Variants in PCDH9 observed in about 807,000 individuals in gnomAD.
PCDH9 encodes the protein protocadherin 9.
Under a neutral mutation model 70.6 loss-of-function variants are expected in PCDH9, and 24 were observed. The ratio of observed to expected loss-of-function variants is 0.34; its 90% CI spans 0.25 to 0.48. The LOEUF (loss-of-function observed/expected upper bound fraction) is 0.48, where lower values mean the gene tolerates loss of function less well. Among genes scored for constraint, PCDH9 ranks in the 20% least tolerant of loss-of-function variants. The pLI is 0.99. For missense variants in PCDH9, 1,281 were observed against 1,503.6 expected, an observed-to-expected ratio of 0.85 and a Z score of 2.45; for synonymous variants, 562 against 558.5, an observed-to-expected ratio of 1.01 and a Z score of -0.09.
chr13:66,724,814 G>T (rs1593956801), intron 3 of PCDH9, among the ~76,000 whole-genome samples: 1 of 152,092 alleles, frequency 6.6e-6, no homozygotes, highest in East Asian at 1.9e-4. Context: ...CCCAAAATTT[G>T]CCCACACTTC....
At chr13:66,317,846 T>A (rs1041167219) in intron 4 of PCDH9, among the ~76,000 whole-genome samples, 2 of 152,154 alleles carry the variant, frequency 1.3e-5, no homozygotes, top group Non-Finnish European at 2.9e-5. Context: ...TTTCACAAAG[T>A]TTAGGGGGAA....
chr13:66,504,753 C>G (rs1959195150), intron 4 of PCDH9, among the ~76,000 whole-genome samples: 1 of 152,154 alleles, frequency 6.6e-6, no homozygotes, highest in South Asian at 2.1e-4. Flanking sequence ...TTGATGAATG[C>G]TACCTGCTGA....
rs561704417 is a variant in PCDH9 at position 67,022,156 on chromosome 13, G to A, written c.3037-118551C>T. 7.3e-5 allele frequency among the ~76,000 whole-genome samples: 5 copies of A among 68,184 alleles called. No individual in the cohort carries two copies. The South Asian group carries it at 2.4e-3, about 33-fold the overall frequency. The allele number at this position is 68,184 out of a possible 152,430, so 44.7% of individuals were successfully genotyped here. A position where few individuals can be genotyped will look rare whatever the true frequency, so the allele number is the denominator to read the frequency against. ...TTTTTTTTTTTTTTTTTGAGACAGA[G>A]TTTTGCTCTTGTTGCCCAGGCTGGA... On this transcript the variant is annotated intron_variant, in intron 2 of 4. Coordinates refer to ENST00000377865, the MANE Select transcript of PCDH9 (RefSeq NM_203487.3).
intron 2 of PCDH9, among the ~76,000 whole-genome samples, chr13:67,057,152 TA>T (rs2085437457): frequency 6.6e-6 from 1 of 152,138 alleles, no homozygotes; most frequent in African/African-American, 2.4e-5. Context: ...AAGTGTCTCC[TA>T]GGGGTTAGGA....
chr13:66,631,052 A>T (rs968529114), intron 4 of PCDH9, among the ~76,000 whole-genome samples, 158 bp downstream of exon 4: 2 of 152,194 alleles, frequency 1.3e-5, no homozygotes, highest in Admixed American at 6.5e-5. Flanking sequence ...CATATCAAAC[A>T]TATTAAATGT....
At chr13:67,018,615 T>TC (rs34639911) in intron 2 of PCDH9, among the ~76,000 whole-genome samples, 9,291 of 89,230 alleles carry the variant, frequency 0.1, 362 homozygotes, top group East Asian at 0.21. Flanking sequence ...GAGACTCGTC[T>TC]CAAAAAAAAA....
At chr13:66,989,804 G>A (rs2083965468) in intron 2 of PCDH9, among the ~76,000 whole-genome samples, 1 of 151,866 alleles carries the variant, frequency 6.6e-6, no homozygotes, top group East Asian at 1.9e-4. Flanking sequence ...AGAACAGGGT[G>A]AGGTATTAGC....
chr13:66,781,036 T>C (rs1368346023), intron 3 of PCDH9, among the ~76,000 whole-genome samples: 1 of 152,168 alleles, frequency 6.6e-6, no homozygotes, highest in Non-Finnish European at 1.5e-5. Context: ...GATTTCCCCA[T>C]AAATTACTCA....
chr13:66,612,201 T>A (rs961256808), intron 4 of PCDH9, among the ~76,000 whole-genome samples: 1 of 152,186 alleles, frequency 6.6e-6, no homozygotes, highest in Non-Finnish European at 1.5e-5. Context: ...AATGAATGCA[T>A]AAGGAATCTT....
chr13:66,674,843 A>T (rs1458254895), intron 3 of PCDH9, among the ~76,000 whole-genome samples: 1 of 152,120 alleles, frequency 6.6e-6, no homozygotes, highest in African/African-American at 2.4e-5. Context: ...TTATGTATAT[A>T]TGAAAATCTA....
chr13:67,006,227 AAAAC>A (rs149403539), intron 2 of PCDH9, among the ~76,000 whole-genome samples: 3 of 152,032 alleles, frequency 2.0e-5, no homozygotes, highest in Non-Finnish European at 2.9e-5. Flanking sequence ...ACTCCGTCTC[AAAAC>A]AAACAAACAA....
At chr13:67,077,758 CATTTCAACA>C (rs964002992) in intron 2 of PCDH9, among the ~76,000 whole-genome samples, 7 of 152,006 alleles carry the variant, frequency 4.6e-5, no homozygotes, top group African/African-American at 1.7e-4. Flanking sequence ...CCTCACATTG[CATTTCAACA>C]ACTACCACTA....
intron 2 of PCDH9, among the ~76,000 whole-genome samples, chr13:67,005,445 A>G (rs2084332251): frequency 6.6e-6 from 1 of 152,212 alleles, no homozygotes; most frequent in South Asian, 2.1e-4. Flanking sequence ...AATACTTATT[A>G]CTTTGTCATT....
chr13:67,206,067 C>T (rs569718706), intron 2 of PCDH9: 1 of 152,274 alleles, frequency 6.6e-6, no homozygotes, highest in African/African-American at 2.4e-5. Context: ...TCTCAAACTC[C>T]TGAACTCAAG....
intron 2 of PCDH9, among the ~76,000 whole-genome samples, chr13:67,005,918 A>G (rs1041558091): frequency 4.6e-5 from 7 of 152,208 alleles, no homozygotes; most frequent in South Asian, 2.1e-4. Context: ...GCATCATTAC[A>G]TAACAGTATA....
intron 4 of PCDH9, among the ~76,000 whole-genome samples, chr13:66,559,833 T>TAC (rs56660850): frequency 0.078 from 6,748 of 86,872 alleles, 587 homozygotes; most frequent in Middle Eastern, 0.13. Context: ...TATATATATA[T>TAC]ACACACACAC....
At chr13:67,184,101 G>A (rs9529198) in intron 2 of PCDH9, among the ~76,000 whole-genome samples, 4 of 151,754 alleles carry the variant, frequency 2.6e-5, no homozygotes, top group Admixed American at 6.6e-5. Context: ...TGTTTCATGC[G>A]CAAAAAATAA....
intron 2 of PCDH9, among the ~76,000 whole-genome samples, chr13:67,050,814 C>G (rs2085306674): frequency 6.6e-6 from 1 of 152,182 alleles, no homozygotes; most frequent in Non-Finnish European, 1.5e-5. Flanking sequence ...GATCCTAGAG[C>G]ATTTACATTC....
At chr13:66,568,582 G>GCCAAACTCCTTTTT (rs71303721) in intron 4 of PCDH9, among the ~76,000 whole-genome samples, 40,420 of 149,952 alleles carry the variant, frequency 0.27, 5,721 homozygotes, top group South Asian at 0.35. Context: ...TGAGGTGGAA[G>GCCAAACTCCTTTTT]GATAGCTTGA....
Sources: gnomAD v4.1 joint callset for allele counts (sites outside exome capture counted in the v4.1 genomes callset) on GRCh38, gnomAD v4.1.1 for gene constraint, MANE v1.5 for transcripts, NCBI Gene and HGNC (gene_info 2026-07-23, HGNC 2026-07-21) for gene names.